CEP192: variants seen among roughly 807,000 people sequenced by gnomAD.
The protein encoded by CEP192 is centrosomal protein of 192 kDa.
Under a neutral mutation model 271.8 loss-of-function variants are expected in CEP192, and 151 were observed. That is an observed-to-expected ratio of 0.56 (90% CI 0.49 to 0.64). The LOEUF is 0.64. Among genes scored for constraint, CEP192 ranks in the 30% least tolerant of loss-of-function variants. The probability of loss-of-function intolerance (pLI) is 0.00; values close to 1 mark genes in which losing one functional copy is unlikely to be tolerated. For missense variants in CEP192, 2,910 were observed against 3,020.5 expected (o/e 0.96, Z 0.86); for synonymous variants, 995 against 1,076.5 (o/e 0.92, Z 1.48).
In CEP192 at chr18:13,089,345, C is replaced by T. The variant is rs978340261; in HGVS notation, c.5994-111C>T. ...TTCTTTTAGGTGTAAGGTCTGTGTA[C>T]TAATATATCAGTATTAGTGGGATTT... On this transcript the variant is annotated intron_variant, in intron 32 of 44. Transcript: ENST00000506447. The T allele has an allele frequency of 1.6e-5, 9 of 551,906 alleles. No homozygotes were observed. In the East Asian group the frequency reaches 2.7e-4, roughly 17 times the overall value. The allele number at this position is 551,906 out of a possible 1,614,324, so 34.2% of individuals were successfully genotyped here.
In CEP192 at chr18:13,008,513, C is replaced by T. The variant is rs1462888917; in HGVS notation, c.348C>T (p.Ser116=). 1 of 1,551,446 alleles carries T rather than the reference C, an allele frequency of 6.4e-7. No homozygotes were observed. The highest frequency in any genetic ancestry group is 2.4e-5 in the East Asian group (1 of 40,920). Reference sequence around the variant, plus strand: ...GTCAACGTTTGTCAAATGCTCTCAGCAAACAGTCAGCTTTACAAATGGAGA... The same window carrying T: ...GTCAACGTTTGTCAAATGCTCTCAGTAAACAGTCAGCTTTACAAATGGAGA... ...VESQRLSNAL[S]KQSALQMETA... The change falls in exon 4 of 45, where the codon AGC becomes AGT. Residue 116 remains serine (S), a synonymous_variant. Coordinates refer to ENST00000506447, the MANE Select transcript of CEP192 (RefSeq NM_032142.4).
At chr18:13,005,015 A>G (rs976560055) in intron 3 of CEP192, among the ~76,000 whole-genome samples, 2 of 152,154 alleles carry the variant, frequency 1.3e-5, no homozygotes, top group Non-Finnish European at 2.9e-5. Context: ...GGTTAGCATC[A>G]TATAGTTGTG....
intron 1 of CEP192, among the ~76,000 whole-genome samples, chr18:12,993,137 C>T (rs772604788): frequency 2.0e-5 from 3 of 152,180 alleles, no homozygotes; most frequent in African/African-American, 4.8e-5. Context: ...GTGTATTTGA[C>T]GTTAGAAGCA....
At chr18:13,019,286 T>G in intron 9 of CEP192, 80 bp downstream of exon 9, 2 of 1,197,392 alleles carry the variant, frequency 1.7e-6, no homozygotes, top group Non-Finnish European at 2.2e-6. Context: ...TCAGTTTTTT[T>G]CAAAGAAACA....
intron 30 of CEP192, among the ~76,000 whole-genome samples, chr18:13,079,482 T>A (rs903949299): frequency 1.6e-4 from 25 of 152,068 alleles, no homozygotes; most frequent in Admixed American, 1.5e-3. Context: ...TTTGATGGGG[T>A]TGTTTGTTTT....
chr18:13,077,487 G>T (rs778367603), intron 30 of CEP192, among the ~76,000 whole-genome samples: 1 of 152,152 alleles, frequency 6.6e-6, no homozygotes, highest in African/African-American at 2.4e-5. Context: ...ATTTTTAAAG[G>T]TGTGCATTTC....
intron 3 of CEP192, among the ~76,000 whole-genome samples, chr18:13,006,185 G>A (rs2033969324): frequency 6.6e-6 from 1 of 151,846 alleles, no homozygotes; most frequent in African/African-American, 2.4e-5. Flanking sequence ...AGTGCAAAAA[G>A]ACATCGTTCT....
At position 13,027,024 on chromosome 18, in the gene CEP192, G is replaced by C. The variant is rs1390140901; in HGVS notation, c.1051-2639G>C. Among the ~76,000 whole-genome samples the C allele has an allele frequency of 2.6e-5, 4 of 152,084 alleles. No homozygotes were observed. In the East Asian group the frequency reaches 5.8e-4, roughly 22 times the overall value. On this transcript the variant is annotated intron_variant, in intron 9 of 44. Coordinates refer to ENST00000506447, the MANE Select transcript of CEP192 (RefSeq NM_032142.4). ...AGGCCTTTCATTATGTTGTGGTAAG[G>C]TGTTGGGGAGGGAAAGCATTCCATA...
intron 44 of CEP192, among the ~76,000 whole-genome samples, chr18:13,122,935 T>A (rs1373436755): frequency 2.6e-5 from 4 of 152,236 alleles, no homozygotes; most frequent in African/African-American, 9.6e-5. Flanking sequence ...GGGAGTGTTC[T>A]ATAGCTGTAT....
rs149520703 is a variant in CEP192, at chr18:13,091,454, G to A, written c.6104-923G>A. ...ACAGTTTCACTTTTTCATGTTGGTT[G>A]GTACCATAGATCACCTGGAGTATAA... On this transcript the variant is annotated intron_variant, in intron 33 of 44. Coordinates refer to ENST00000506447, the MANE Select transcript of CEP192 (RefSeq NM_032142.4). Among the ~76,000 whole-genome samples the A allele has an allele frequency of 2.0e-4, 19 of 95,928 alleles. No homozygotes were observed. In the East Asian group the frequency reaches 6.9e-3, roughly 35 times the overall value. The allele number at this position is 95,928 out of a possible 152,430, so 62.9% of individuals were successfully genotyped here. A position where few individuals can be genotyped will look rare whatever the true frequency, so the allele number is the denominator to read the frequency against.
intron 9 of CEP192, among the ~76,000 whole-genome samples, chr18:13,022,839 T>C (rs898100957): frequency 6.6e-6 from 1 of 152,234 alleles, no homozygotes; most frequent in Non-Finnish European, 1.5e-5. Flanking sequence ...TCTCTATTTA[T>C]TTGGTTTTCT....
At chr18:13,084,451 T>G (rs1244078508) in intron 30 of CEP192, among the ~76,000 whole-genome samples, 2 of 152,208 alleles carry the variant, frequency 1.3e-5, no homozygotes, top group African/African-American at 4.8e-5. Flanking sequence ...TAAAATCTCC[T>G]GGTGTGCCGT....
intron 35 of CEP192, 39 bp downstream of exon 35, chr18:13,095,720 G>C (rs749117196): frequency 6.4e-7 from 1 of 1,572,380 alleles, no homozygotes; most frequent in African/African-American, 1.4e-5. Flanking sequence ...GGTGTGTTCC[G>C]GCGTCCGGGC....
intron 34 of CEP192, 41 bp from the exon 35 acceptor site, chr18:13,095,462 T>G: frequency 6.7e-7 from 1 of 1,503,364 alleles, no homozygotes; most frequent in Non-Finnish European, 9.1e-7. Context: ...CTCAGTCTCT[T>G]TCTTCATGTC....
intron 14 of CEP192, 24 bp from the exon 15 acceptor site, chr18:13,042,180 T>C (rs2036244033): frequency 3.1e-6 from 5 of 1,599,714 alleles, no homozygotes; most frequent in Non-Finnish European, 4.3e-6. Context: ...TACTTATAAG[T>C]TGAATATTAT....
rs184061711 is a variant in CEP192 at position 13,096,396 on chromosome 18, A to G, written c.6557+89A>G. The G allele has an allele frequency of 1.4e-4, 207 of 1,526,562 alleles. No individual in the cohort carries two copies. The East Asian group carries it at 4.0e-3, about 30-fold the overall frequency. 94.6% of individuals were successfully genotyped at this position (1,526,562 alleles called of 1,614,324 possible). A position where few individuals can be genotyped will look rare whatever the true frequency, so the allele number is the denominator to read the frequency against. ...ATCAAATAATATGTCATTGTAGTTT[A>G]TCCAGTTGAATTTTGCACCGTGCTG... On this transcript the variant is annotated intron_variant, in intron 36 of 44. Coordinates refer to ENST00000506447, the MANE Select transcript of CEP192 (RefSeq NM_032142.4).
At position 13,003,749 on chromosome 18, in the gene CEP192, G is replaced by A. The variant is rs981492905; in HGVS notation, c.290+2167G>A. On this transcript the variant is annotated intron_variant, in intron 3 of 44. Coordinates refer to ENST00000506447, the MANE Select transcript of CEP192 (RefSeq NM_032142.4). ...CAGGAGATCCAGGCTGCAGTGTGCCGTAATTGCACCACTGCACTCTAGTCT... is the reference window on the plus strand; with the variant it reads ...CAGGAGATCCAGGCTGCAGTGTGCCATAATTGCACCACTGCACTCTAGTCT... Among the ~76,000 whole-genome samples, 5 of 152,210 alleles carry A rather than the reference G, an allele frequency of 3.3e-5. No individual in the cohort carries two copies. In the East Asian group the frequency reaches 7.7e-4, roughly 24 times the overall value.
At position 13,070,852 on chromosome 18, in the gene CEP192, C is replaced by G. The variant is rs150421440; in HGVS notation, c.5175-187C>G. Among the ~76,000 whole-genome samples, 286 of 152,346 alleles carry G rather than the reference C, an allele frequency of 1.9e-3. 1 individual carries two copies. Among genetic ancestry groups the G allele is most frequent in the African/African-American group, 6.2e-3 (258 of 41,580 alleles). ...AAAGCACGATGGCTTCTCACACCCC[C>G]CTGTGCAGATGCCATTGTGATCATC... On this transcript the variant is annotated intron_variant, in intron 27 of 44. Transcript: ENST00000506447.
chr18:13,111,962 A>C (rs1205869532), intron 40 of CEP192, among the ~76,000 whole-genome samples: 1 of 152,246 alleles, frequency 6.6e-6, no homozygotes, highest in Non-Finnish European at 1.5e-5. Context: ...AGTTTTAAAA[A>C]AACAGAAAAT....
Sources: allele counts gnomAD v4.1 joint callset (sites outside exome capture counted in the v4.1 genomes callset), GRCh38; gene constraint gnomAD v4.1.1; transcripts MANE v1.5; gene names NCBI Gene and HGNC (gene_info 2026-07-23, HGNC 2026-07-21).